PEBP4: variants seen among roughly 807,000 people sequenced by gnomAD.
PEBP4 encodes the protein phosphatidylethanolamine binding protein 4.
Under a neutral mutation model 23.9 loss-of-function variants are expected in PEBP4, and 22 were observed. The observed-to-expected ratio is 0.92, with a 90% CI of 0.66 to 1.31. The LOEUF is 1.31. Among genes scored for constraint, PEBP4 ranks in the 40% most tolerant of loss-of-function variants. PEBP4 has a pLI of 0.00. For synonymous variants in PEBP4, 112 were observed against 99.3 expected (o/e 1.13, Z -0.76); for missense variants, 324 against 281.7 (o/e 1.15, Z -1.07).
At chr8:22,731,224 T>C (rs888375558) in intron 4 of PEBP4, among the ~76,000 whole-genome samples, 1 of 152,190 alleles carries the variant, frequency 6.6e-6, no homozygotes, top group Non-Finnish European at 1.5e-5. Flanking sequence ...TCCCGCCTCC[T>C]GTTGCACCTC....
At chr8:22,851,713 G>A (rs1807554365) in intron 3 of PEBP4, among the ~76,000 whole-genome samples, 4 of 152,060 alleles carry the variant, frequency 2.6e-5, no homozygotes, top group African/African-American at 7.2e-5. Context: ...CTGGGAAAAG[G>A]GGGCATTAAA....
chr8:22,746,956 G>C (rs1375793131), intron 4 of PEBP4, among the ~76,000 whole-genome samples: 1 of 152,180 alleles, frequency 6.6e-6, no homozygotes, highest in East Asian at 1.9e-4. Flanking sequence ...CTCCCAAGCA[G>C]CTGGGACTAT....
chr8:22,728,458 G>A (rs1196551378), intron 4 of PEBP4, among the ~76,000 whole-genome samples: 1 of 152,130 alleles, frequency 6.6e-6, no homozygotes, highest in Non-Finnish European at 1.5e-5. Flanking sequence ...CGAGCCCCTT[G>A]TACTTTGTCT....
At chr8:22,761,481 GC>G (rs1805506860) in intron 4 of PEBP4, among the ~76,000 whole-genome samples, 1 of 152,150 alleles carries the variant, frequency 6.6e-6, no homozygotes, top group Non-Finnish European at 1.5e-5. Flanking sequence ...TATCCCTCTG[GC>G]CTGTCGGAGC....
At chr8:22,795,031 T>C (rs1464899418) in intron 4 of PEBP4, among the ~76,000 whole-genome samples, 1 of 151,156 alleles carries the variant, frequency 6.6e-6, no homozygotes, top group African/African-American at 2.4e-5. Context: ...ACTCTCAGTA[T>C]ATATCTTAAT....
intron 4 of PEBP4, among the ~76,000 whole-genome samples, chr8:22,752,698 G>A (rs1056255582): frequency 1.3e-5 from 2 of 152,236 alleles, no homozygotes; most frequent in African/African-American, 4.8e-5. Flanking sequence ...TGTTCTGGGG[G>A]CTCATTTCTG....
intron 3 of PEBP4, among the ~76,000 whole-genome samples, chr8:22,842,163 G>T (rs533635126): frequency 1.3e-5 from 2 of 152,236 alleles, no homozygotes; most frequent in African/African-American, 4.8e-5. Flanking sequence ...TACACAGTGG[G>T]TAGTCAACTC....
intron 3 of PEBP4, among the ~76,000 whole-genome samples, chr8:22,882,488 G>A (rs1284263137): frequency 2.0e-5 from 3 of 152,204 alleles, no homozygotes; most frequent in South Asian, 4.1e-4. Context: ...TGTCATGCAC[G>A]CATGGTGATG....
chr8:22,863,075 C>T (rs1182579374), intron 3 of PEBP4, among the ~76,000 whole-genome samples: 1 of 152,150 alleles, frequency 6.6e-6, no homozygotes, highest in Non-Finnish European at 1.5e-5. Context: ...GCTGGGATTA[C>T]AGTAACCTCT....
rs376487128 is a variant in PEBP4, at chr8:22,902,069, A to G, written c.258+18115T>C. 1.3e-4 allele frequency among the ~76,000 whole-genome samples: 20 copies of G among 152,350 alleles called. No individual in the cohort carries two copies. The East Asian group carries it at 2.7e-3, about 21-fold the overall frequency. On this transcript the variant is annotated intron_variant, in intron 3 of 6. Transcript: ENST00000256404. ...CGCAGTGGCTCATGCCTGTAATCCC[A>G]GCACTTTGGGAGGCTGAGGCGGGTG...
In PEBP4 at chr8:22,713,513, G is replaced by A. The variant is rs769588151; in HGVS notation, c.541C>T (p.Leu181=). The A allele has an allele frequency of 3.2e-5, 51 of 1,614,064 alleles. No homozygotes were observed. The highest frequency in any genetic ancestry group is 3.8e-5 in the Non-Finnish European group (45 of 1,180,034). ...GGTTCGCCCAGGTGGAAACGGTTCA[G>A]AAATCTGTCCATTTTCCAAGAGCCT... ...TRGSWKMDRF[L]NRFHLGEPEA... The change falls in exon 7 of 7, where the codon CTG becomes TTG. Residue 181 remains leucine (L), a synonymous_variant. Coordinates refer to ENST00000256404, the MANE Select transcript of PEBP4 (RefSeq NM_144962.3).
At chr8:22,799,721 A>G (rs972108420) in intron 4 of PEBP4, among the ~76,000 whole-genome samples, 23 of 152,016 alleles carry the variant, frequency 1.5e-4, no homozygotes, top group Admixed American at 7.9e-4. Context: ...ATCCCACGAC[A>G]GGCCCTGGTG....
chr8:22,809,904 C>A (rs1268935155), intron 4 of PEBP4, among the ~76,000 whole-genome samples: 1 of 152,238 alleles, frequency 6.6e-6, no homozygotes. Context: ...TTACAGGTCA[C>A]CTGCACCAGC....
intron 3 of PEBP4, among the ~76,000 whole-genome samples, chr8:22,891,930 G>A (rs957234595): frequency 6.6e-6 from 1 of 152,140 alleles, no homozygotes; most frequent in Non-Finnish European, 1.5e-5. Flanking sequence ...AAAATTAGTC[G>A]GGTATGGTGA....
intron 4 of PEBP4, among the ~76,000 whole-genome samples, chr8:22,816,170 C>T (rs912413976): frequency 2.6e-5 from 4 of 152,196 alleles, no homozygotes; most frequent in African/African-American, 9.6e-5. Flanking sequence ...CCTGATGGCT[C>T]AAACCTCCCA....
chr8:22,817,750 C>T lies in PEBP4; in HGVS notation c.259-15G>A. The T allele has an allele frequency of 6.2e-7, 1 of 1,609,498 alleles. No homozygotes were observed. The highest frequency in any genetic ancestry group is 8.5e-7 in the Non-Finnish European group (1 of 1,176,066). On this transcript the variant is annotated splice_polypyrimidine_tract_variant and intron_variant, in intron 3 of 6. Coordinates refer to ENST00000256404, the MANE Select transcript of PEBP4 (RefSeq NM_144962.3). ...TAGGTTGCGCCCTGTAACACATGTA[C>T]CGAAAAGTAATGTAGCGTCATGGCT... is the stretch of plus-strand genomic sequence containing the variant.
Position 22,805,878 on chromosome 8 carries a change from CTGAATGAA to C in PEBP4, c.357+11751_357+11758del, listed in dbSNP as rs59038661. On this transcript the variant is annotated intron_variant, in intron 4 of 6. Transcript: ENST00000256404. Reference sequence around the variant, plus strand: ...ATTGCCTAAATGGGCTAAGCACATGCTGAATGAATGAATGAATGAATGAATGAATGAGG... The same window carrying C: ...ATTGCCTAAATGGGCTAAGCACATGCTGAATGAATGAATGAATGAATGAGG... 1.9e-4 allele frequency among the ~76,000 whole-genome samples: 28 copies of C among 151,346 alleles called. No individual in the cohort carries two copies. In the South Asian group the frequency reaches 3.1e-3, roughly 17 times the overall value.
intron 4 of PEBP4, among the ~76,000 whole-genome samples, chr8:22,797,505 CA>C (rs1294230596): frequency 1.3e-5 from 2 of 151,984 alleles, no homozygotes; most frequent in Non-Finnish European, 2.9e-5. Flanking sequence ...GGCCTTTAAG[CA>C]GGGTTGGGAA....
chr8:22,864,594 T>A (rs958621811), intron 3 of PEBP4, among the ~76,000 whole-genome samples: 1 of 152,038 alleles, frequency 6.6e-6, no homozygotes, highest in East Asian at 1.9e-4. Flanking sequence ...GGAGAAGCAG[T>A]AGGAATCGAA....
Sources: allele counts gnomAD v4.1 joint callset (sites outside exome capture counted in the v4.1 genomes callset), GRCh38; gene constraint gnomAD v4.1.1; transcripts MANE v1.5; gene names NCBI Gene and HGNC (gene_info 2026-07-23, HGNC 2026-07-21).